The following FERMT2 variants were observed in gnomAD, a reference collection of about 807,000 sequenced individuals.
The protein encoded by FERMT2 is fermitin family homolog 2.
A neutral mutation model predicts 82.7 loss-of-function variants in FERMT2; 15 were observed. The ratio of observed to expected loss-of-function variants is 0.18; its 90% CI spans 0.12 to 0.28. The LOEUF (loss-of-function observed/expected upper bound fraction) is 0.28, where lower values mean the gene tolerates loss of function less well. FERMT2 is among the 10% of genes least tolerant of loss of function. The probability of loss-of-function intolerance (pLI) is 1.00; values close to 1 mark genes in which losing one functional copy is unlikely to be tolerated. For missense variants in FERMT2, 645 were observed against 809.4 expected (o/e 0.80, Z 2.46); for synonymous variants, 274 against 271.5 (o/e 1.01, Z -0.09).
chr14:52,907,075 C>CA (rs1190990548), intron 3 of FERMT2, among the ~76,000 whole-genome samples: 1 of 151,672 alleles, frequency 6.6e-6, no homozygotes, highest in African/African-American at 2.4e-5. Flanking sequence ...TGCAGTCACA[C>CA]AATCTCAACT....
At chr14:52,895,647 G>C (rs1218519419) in intron 3 of FERMT2, among the ~76,000 whole-genome samples, 2 of 152,174 alleles carry the variant, frequency 1.3e-5, no homozygotes, top group Admixed American at 1.3e-4. Context: ...ACAGAAAGCA[G>C]ATCAATTTGC....
chr14:52,908,370 G>T (rs1460379382), intron 3 of FERMT2, among the ~76,000 whole-genome samples: 4 of 152,174 alleles, frequency 2.6e-5, no homozygotes, highest in Non-Finnish European at 4.4e-5. Context: ...ACAAAGACCT[G>T]TAAGTGAATG....
chr14:52,935,877 G>A (rs1889813185), intron 2 of FERMT2, among the ~76,000 whole-genome samples: 1 of 152,108 alleles, frequency 6.6e-6, no homozygotes, highest in Admixed American at 6.6e-5. Context: ...TCTATTATCC[G>A]ATACTATAAG....
At chr14:52,904,642 G>C (rs1042832927) in intron 3 of FERMT2, among the ~76,000 whole-genome samples, 1 of 150,196 alleles carries the variant, frequency 6.7e-6, no homozygotes, top group Non-Finnish European at 1.5e-5. Flanking sequence ...GCATTGAGCC[G>C]AGATTGCACC....
At chr14:52,905,188 CAAAA>C (rs71125148) in intron 3 of FERMT2, among the ~76,000 whole-genome samples, 4 of 126,842 alleles carry the variant, frequency 3.2e-5, no homozygotes, top group African/African-American at 9.5e-5. Context: ...GACTCCATCT[CAAAA>C]AAAAAAAAAA....
At chr14:52,861,254 C>T (rs1594922820) in intron 12 of FERMT2, 1 of 530,444 alleles carries the variant, frequency 1.9e-6, no homozygotes, top group Non-Finnish European at 3.3e-6. Flanking sequence ...ATTTAGAACA[C>T]TGAGAAACAC....
intron 4 of FERMT2, among the ~76,000 whole-genome samples, chr14:52,885,132 G>C (rs1886519728): frequency 6.6e-6 from 1 of 151,838 alleles, no homozygotes; most frequent in Non-Finnish European, 1.5e-5. Context: ...AGCCAACATG[G>C]TGAAACCCCG....
intron 1 of FERMT2, 130 bp from the exon 2 acceptor site, chr14:52,950,707 G>C: frequency 3.4e-6 from 3 of 885,282 alleles, no homozygotes; most frequent in East Asian, 5.4e-5. Context: ...AGAAACTCGG[G>C]AGGGCGGCGG....
chr14:52,942,818 C>T (rs1311638191), intron 2 of FERMT2, among the ~76,000 whole-genome samples: 1 of 152,172 alleles, frequency 6.6e-6, no homozygotes, highest in East Asian at 1.9e-4. Context: ...GGGAAACCTA[C>T]ATCCAATGAT....
At chr14:52,918,819 C>T (rs978603090) in intron 3 of FERMT2, among the ~76,000 whole-genome samples, 2 of 152,162 alleles carry the variant, frequency 1.3e-5, no homozygotes, top group Non-Finnish European at 2.9e-5. Context: ...GTGAAGGAAA[C>T]ATTGCAAAGC....
intron 10 of FERMT2, among the ~76,000 whole-genome samples, chr14:52,866,236 CT>C (rs1885271800): frequency 2.6e-5 from 4 of 152,294 alleles, no homozygotes; most frequent in Admixed American, 2.6e-4. Flanking sequence ...TCCATGCCAC[CT>C]CAGCTACCTA....
At chr14:52,873,461 G>A (rs954695263) in intron 9 of FERMT2, among the ~76,000 whole-genome samples, 2 of 152,220 alleles carry the variant, frequency 1.3e-5, no homozygotes, top group African/African-American at 2.4e-5. Context: ...GAGCAGTCAT[G>A]AGGATGTGTA....
intron 3 of FERMT2, among the ~76,000 whole-genome samples, chr14:52,901,492 T>G (rs1887647359): frequency 6.6e-6 from 1 of 152,170 alleles, no homozygotes; most frequent in South Asian, 2.1e-4. Flanking sequence ...GAGATTATCC[T>G]GGGTTATCTG....
rs1015791376 is a variant in FERMT2 at position 52,945,403 on chromosome 14, A to G, written c.157+5009T>C. On this transcript the variant is annotated intron_variant, in intron 2 of 14. Coordinates refer to ENST00000341590, the MANE Select transcript of FERMT2 (RefSeq NM_006832.3). ...GCTGGGATTACAGGCGCCCGCTACC[A>G]TGCCTGGCTAATTTTTTTTTTGTAA... 3.3e-5 allele frequency among the ~76,000 whole-genome samples: 5 copies of G among 151,650 alleles called. No homozygotes were observed. In the East Asian group the frequency reaches 9.8e-4, roughly 30 times the overall value.
chr14:52,908,362 A>G (rs1239809550), intron 3 of FERMT2, among the ~76,000 whole-genome samples: 2 of 152,220 alleles, frequency 1.3e-5, no homozygotes, highest in African/African-American at 4.8e-5. Flanking sequence ...ATGTTCCCAC[A>G]AAGACCTGTA....
intron 3 of FERMT2, among the ~76,000 whole-genome samples, chr14:52,907,921 A>G (rs189941430): frequency 1.3e-5 from 2 of 152,374 alleles, no homozygotes; most frequent in East Asian, 1.9e-4. Context: ...ATGGTAAGCC[A>G]CAGATTGTGA....
intron 10 of FERMT2, among the ~76,000 whole-genome samples, chr14:52,869,660 AC>A (rs1885497788): frequency 6.6e-6 from 1 of 150,398 alleles, no homozygotes; most frequent in Non-Finnish European, 1.5e-5. Flanking sequence ...ATGATAAATG[AC>A]TATGTTACTG....
chr14:52,870,814 G>A (rs188312561), intron 10 of FERMT2, among the ~76,000 whole-genome samples: 4 of 152,152 alleles, frequency 2.6e-5, no homozygotes, highest in Non-Finnish European at 5.9e-5. Context: ...ATACATGACT[G>A]TACTAAGTAC....
At chr14:52,948,156 ACT>A (rs1208914297) in intron 2 of FERMT2, among the ~76,000 whole-genome samples, 3 of 151,926 alleles carry the variant, frequency 2.0e-5, no homozygotes, top group African/African-American at 7.3e-5. Flanking sequence ...TTTTATCTAG[ACT>A]CTGCAAGCTG....
Sources: gnomAD v4.1 joint callset for allele counts (sites outside exome capture counted in the v4.1 genomes callset) on GRCh38, gnomAD v4.1.1 for gene constraint, MANE v1.5 for transcripts, NCBI Gene and HGNC (gene_info 2026-07-23, HGNC 2026-07-21) for gene names.